Variants in SDCCAG8 observed in about 807,000 individuals in gnomAD.
SDCCAG8 encodes the protein serologically defined colon cancer antigen 8.
Under a neutral mutation model 101.8 loss-of-function variants are expected in SDCCAG8, and 74 were observed. That is an observed-to-expected ratio of 0.73 (90% CI 0.60 to 0.88). SDCCAG8 has a LOEUF of 0.88. Ranked by LOEUF, SDCCAG8 falls within the 40% of genes least tolerant of loss-of-function variation. SDCCAG8 has a pLI of 0.00. For synonymous variants in SDCCAG8, 281 were observed against 292.9 expected (o/e 0.96, Z 0.41); for missense variants, 787 against 822.6 (o/e 0.96, Z 0.53).
intron 9 of SDCCAG8, among the ~76,000 whole-genome samples, chr1:243,325,386 G>A (rs150812927): frequency 6.6e-6 from 1 of 151,874 alleles, no homozygotes; most frequent in East Asian, 1.9e-4. Flanking sequence ...TAGAATTTTT[G>A]CTTTCTAAGT....
intron 17 of SDCCAG8, among the ~76,000 whole-genome samples, chr1:243,492,973 C>T (rs1249424640): frequency 5.9e-5 from 9 of 152,060 alleles, no homozygotes; most frequent in Admixed American, 3.9e-4. Flanking sequence ...CACCTGGGTT[C>T]GGAAACAACT....
chr1:243,344,346 A>G lies in SDCCAG8; in HGVS notation c.1473+15A>G, dbSNP rs1573446092. On this transcript the variant is annotated intron_variant, in intron 12 of 17. Coordinates refer to ENST00000366541, the MANE Select transcript of SDCCAG8 (RefSeq NM_006642.5). ...TTAAAGATCAGGTAAGAGAGGACACAGCATAATTGCAGCAATTATAGATAT... is the reference window on the plus strand; with the variant it reads ...TTAAAGATCAGGTAAGAGAGGACACGGCATAATTGCAGCAATTATAGATAT... 2 of 1,512,484 alleles carry G rather than the reference A, an allele frequency of 1.3e-6. No individual in the cohort carries two copies. The highest frequency in any genetic ancestry group is 9.2e-7 in the Non-Finnish European group (1 of 1,087,512). 93.7% of individuals were successfully genotyped at this position (1,512,484 alleles called of 1,614,324 possible).
intron 9 of SDCCAG8, among the ~76,000 whole-genome samples, chr1:243,323,843 A>G (rs969122570): frequency 6.6e-6 from 1 of 152,192 alleles, no homozygotes; most frequent in African/African-American, 2.4e-5. Context: ...TAACTGGCCT[A>G]TCATAACATA....
intron 1 of SDCCAG8, among the ~76,000 whole-genome samples, chr1:243,266,547 T>C (rs1361242278): frequency 6.6e-6 from 1 of 151,900 alleles, no homozygotes; most frequent in Non-Finnish European, 1.5e-5. Flanking sequence ...CTTGAACTCT[T>C]GACCTCAGGT....
chr1:243,373,182 G>T (rs1012652218), intron 12 of SDCCAG8, among the ~76,000 whole-genome samples: 9 of 151,908 alleles, frequency 5.9e-5, no homozygotes, highest in African/African-American at 2.2e-4. Context: ...ATAATTTATT[G>T]TACGATGTGG....
chr1:243,265,897 C>T (rs1331846328), intron 1 of SDCCAG8, among the ~76,000 whole-genome samples: 2 of 151,862 alleles, frequency 1.3e-5, no homozygotes, highest in East Asian at 1.9e-4. Flanking sequence ...AAATTCTTTC[C>T]ATATTTTTTT....
intron 4 of SDCCAG8, among the ~76,000 whole-genome samples, chr1:243,275,645 G>A (rs2068477766): frequency 6.6e-6 from 1 of 151,968 alleles, no homozygotes; most frequent in Non-Finnish European, 1.5e-5. Context: ...AGATGTTGTG[G>A]ATAAAACTTG....
In SDCCAG8 at chr1:243,440,299, A is replaced by G. The variant is rs924954259; in HGVS notation, c.1985+13741A>G. On this transcript the variant is annotated intron_variant, in intron 16 of 17. Transcript: ENST00000366541. Reference sequence around the variant, plus strand: ...TATTCTGCAATTCACACTTAATAGTATATCATTATTAAATTAAAAAAAAAG... The same window carrying G: ...TATTCTGCAATTCACACTTAATAGTGTATCATTATTAAATTAAAAAAAAAG... Among the ~76,000 whole-genome samples the G allele has an allele frequency of 6.6e-5, 10 of 152,260 alleles. No individual in the cohort carries two copies. In the East Asian group the frequency reaches 1.5e-3, roughly 23 times the overall value.
intron 8 of SDCCAG8, among the ~76,000 whole-genome samples, chr1:243,309,812 T>C (rs2072535511): frequency 6.6e-6 from 1 of 152,194 alleles, no homozygotes. Context: ...CTAATTGTTA[T>C]ATGAACATAG....
At chr1:243,384,566 CACTT>C (rs2078156419) in intron 13 of SDCCAG8, among the ~76,000 whole-genome samples, 1 of 149,532 alleles carries the variant, frequency 6.7e-6, no homozygotes, top group African/African-American at 2.5e-5. Flanking sequence ...CCAGGCCTCT[CACTT>C]ACATGTACGT....
chr1:243,327,140 G>C (rs1008677540), intron 9 of SDCCAG8, among the ~76,000 whole-genome samples: 4 of 152,044 alleles, frequency 2.6e-5, no homozygotes, highest in African/African-American at 9.7e-5. Context: ...GGGAAAGGGA[G>C]AGAAGCCAGG....
At chr1:243,380,409 G>A (rs1438738677) in intron 13 of SDCCAG8, among the ~76,000 whole-genome samples, 1 of 152,154 alleles carries the variant, frequency 6.6e-6, no homozygotes, top group Non-Finnish European at 1.5e-5. Context: ...CTCAGAAATA[G>A]GACAGCTTTT....
At chr1:243,402,480 T>C (rs2079473144) in intron 13 of SDCCAG8, among the ~76,000 whole-genome samples, 1 of 151,956 alleles carries the variant, frequency 6.6e-6, no homozygotes, top group African/African-American at 2.4e-5. Context: ...ACCCAATGTA[T>C]AGAAAATAGT....
At chr1:243,450,329 C>A (rs1376007096) in intron 16 of SDCCAG8, among the ~76,000 whole-genome samples, 1 of 152,200 alleles carries the variant, frequency 6.6e-6, no homozygotes, top group Non-Finnish European at 1.5e-5. Context: ...GTCCTCAGTT[C>A]TTTCCACCAC....
intron 9 of SDCCAG8, 46 bp downstream of exon 9, chr1:243,316,939 C>A: frequency 1.9e-6 from 3 of 1,554,096 alleles, no homozygotes; most frequent in Non-Finnish European, 2.6e-6. Flanking sequence ...TTTTTTTTTT[C>A]TTTTTTCTTC....
intron 3 of SDCCAG8, among the ~76,000 whole-genome samples, chr1:243,273,758 G>C (rs1217491383): frequency 2.0e-5 from 3 of 152,184 alleles, no homozygotes; most frequent in African/African-American, 7.2e-5. Context: ...TTCTTGGAGA[G>C]AGTTGTCCCT....
intron 16 of SDCCAG8, among the ~76,000 whole-genome samples, chr1:243,431,055 T>C (rs1411464521): frequency 6.6e-6 from 1 of 151,686 alleles, no homozygotes; most frequent in African/African-American, 2.4e-5. Context: ...AAATTAGCTG[T>C]GTGTGGTGGC....
At chr1:243,486,862 C>G (rs1665004492) in intron 16 of SDCCAG8, among the ~76,000 whole-genome samples, 1 of 152,224 alleles carries the variant, frequency 6.6e-6, no homozygotes, top group Non-Finnish European at 1.5e-5. Context: ...TCTTGCCATG[C>G]AGCAATGTCA....
At chr1:243,417,632 T>G (rs2080684639) in intron 14 of SDCCAG8, among the ~76,000 whole-genome samples, 1 of 152,204 alleles carries the variant, frequency 6.6e-6, no homozygotes, top group African/African-American at 2.4e-5. Flanking sequence ...ATAGTAAAAT[T>G]GTCAAAATAA....
Sources: allele counts gnomAD v4.1 joint callset (sites outside exome capture counted in the v4.1 genomes callset), GRCh38; gene constraint gnomAD v4.1.1; transcripts MANE v1.5; gene names NCBI Gene and HGNC (gene_info 2026-07-23, HGNC 2026-07-21).